Variants in ELL observed in about 807,000 individuals in gnomAD.
ELL encodes elongation factor for RNA polymerase II.
ELL carries 18 observed loss-of-function variants against 64.0 expected under a neutral mutation model. The ratio of observed to expected loss-of-function variants is 0.28; its 90% CI spans 0.19 to 0.42. The LOEUF is 0.42. Among genes scored for constraint, ELL ranks in the 10% least tolerant of loss-of-function variants. The probability of loss-of-function intolerance (pLI) is 1.00; values close to 1 mark genes in which losing one functional copy is unlikely to be tolerated. For synonymous variants in ELL, 399 were observed against 376.2 expected, an observed-to-expected ratio of 1.06 and a Z score of -0.70; for missense variants, 797 against 870.4, an observed-to-expected ratio of 0.92 and a Z score of 1.06.
At position 18,450,500 on chromosome 19, in the gene ELL, G is replaced by A. The variant is rs781626957; in HGVS notation, c.1442C>T (p.Pro481Leu). Residue 481 changes from proline (P) to leucine (L), a missense_variant, in exon 8 of 12, where the codon CCC becomes CTC. Coordinates refer to ENST00000262809, the MANE Select transcript of ELL (RefSeq NM_006532.4). ...PDCAPATHAT[P>L]GAPADTPGLN... is the part of the protein sequence containing the mutation. ...ACCTGGGGTGTCTGCTGGGGCTCCG[G>A]GGGTGGCATGGGTGGCAGGTGCACA... 4 of 1,612,990 alleles carry A rather than the reference G, an allele frequency of 2.5e-6. No individual in the cohort carries two copies. Among genetic ancestry groups the A allele is most frequent in the East Asian group, 2.2e-5 (1 of 44,890 alleles).
chr19:18,496,736 C>T (rs1274619602), intron 1 of ELL, among the ~76,000 whole-genome samples: 1 of 152,164 alleles, frequency 6.6e-6, no homozygotes, highest in South Asian at 2.1e-4. Flanking sequence ...CAAGGCCAGG[C>T]GGGTAGCACA....
At position 18,456,800 on chromosome 19, in the gene ELL, C is replaced by A. The variant is rs1974687461; in HGVS notation, c.869+1405G>T. 2.0e-5 allele frequency among the ~76,000 whole-genome samples: 3 copies of A among 152,126 alleles called. No homozygotes were observed. The South Asian group carries it at 6.2e-4, about 32-fold the overall frequency. ...GGAGGCTCCTGCAGTGACTTGGGCC[C>A]CCACATCCCATCTGTCTCACGGCCT... On this transcript the variant is annotated intron_variant, in intron 6 of 11. Coordinates refer to ENST00000262809, the MANE Select transcript of ELL (RefSeq NM_006532.4).
In ELL at chr19:18,508,442, G is replaced by A. The variant is rs374855038; in HGVS notation, c.135+13479C>T. 1.1e-3 allele frequency among the ~76,000 whole-genome samples: 167 copies of A among 152,358 alleles called. 2 individuals carry two copies. The South Asian group carries it at 0.014, about 13-fold the overall frequency. ...ATCTGCACTAACTGTGTGATCTCAA[G>A]TTAGCCATTATCTTCTAGATGTCCC... On this transcript the variant is annotated intron_variant, in intron 1 of 11. Coordinates refer to ENST00000262809, the MANE Select transcript of ELL (RefSeq NM_006532.4).
intron 1 of ELL, among the ~76,000 whole-genome samples, chr19:18,507,755 T>C (rs62123870): frequency 0.058 from 8,785 of 152,276 alleles, 350 homozygotes; most frequent in Middle Eastern, 0.15. Flanking sequence ...TTGCACTGTG[T>C]AGGTTGTGCC....
intron 1 of ELL, among the ~76,000 whole-genome samples, chr19:18,499,051 C>T (rs1427553087): frequency 6.6e-6 from 1 of 152,208 alleles, no homozygotes; most frequent in Non-Finnish European, 1.5e-5. Context: ...CACTCATTCT[C>T]AAGCCCAGGA....
intron 1 of ELL, among the ~76,000 whole-genome samples, chr19:18,507,962 C>T (rs1024751105): frequency 7.2e-5 from 11 of 152,192 alleles, no homozygotes; most frequent in Non-Finnish European, 1.5e-4. Flanking sequence ...ACAAGGGACA[C>T]ACAAGCCAGC....
chr19:18,512,154 C>CA (rs35682497), intron 1 of ELL, among the ~76,000 whole-genome samples: 41,308 of 134,252 alleles, frequency 0.31, 7,065 homozygotes, highest in African/African-American at 0.51. Flanking sequence ...GACTCCGTCT[C>CA]AAAAAAAAAA....
intron 1 of ELL, among the ~76,000 whole-genome samples, chr19:18,504,084 G>A (rs1975835926): frequency 6.6e-6 from 1 of 152,246 alleles, no homozygotes; most frequent in African/African-American, 2.4e-5. Flanking sequence ...GAGGATCTGC[G>A]GGCTGTCACG....
At chr19:18,465,196 C>G (rs1200793579) in intron 4 of ELL, among the ~76,000 whole-genome samples, 1 of 152,242 alleles carries the variant, frequency 6.6e-6, no homozygotes, top group Non-Finnish European at 1.5e-5. Flanking sequence ...TAACCCAACC[C>G]CCTATCCCTC....
In ELL at chr19:18,450,537, G is replaced by C; in HGVS notation, c.1405C>G (p.Gln469Glu). The C allele has an allele frequency of 6.2e-7, 1 of 1,613,260 alleles. No homozygotes were observed. The highest frequency in any genetic ancestry group is 8.5e-7 in the Non-Finnish European group (1 of 1,179,938). Reference sequence around the variant, plus strand: ...GTGGCAGGTGCACAGTCTGGAAGCTGGGCCCGGGGCTTGTCCTCAGCCGCC... The same window carrying C: ...GTGGCAGGTGCACAGTCTGGAAGCTCGGCCCGGGGCTTGTCCTCAGCCGCC... ...ERAAEDKPRA[Q>E]LPDCAPATHA... Residue 469 changes from glutamine (Q) to glutamate (E), a missense_variant, in exon 8 of 12, where the codon CAG becomes GAG. Transcript: ENST00000262809.
At chr19:18,520,382 C>T (rs921950033) in intron 1 of ELL, among the ~76,000 whole-genome samples, 3 of 152,134 alleles carry the variant, frequency 2.0e-5, no homozygotes, top group African/African-American at 4.8e-5. Context: ...TGGTCATGGG[C>T]CAGCAGCTGC....
At position 18,509,916 on chromosome 19, in the gene ELL, A is replaced by T. The variant is rs371035721; in HGVS notation, c.135+12005T>A. On this transcript the variant is annotated intron_variant, in intron 1 of 11. Transcript: ENST00000262809. ...TTTTCCACAAAAGCTTAATCCAAAA[A>T]GGGCTAAAAATAGAGATTCTGCACC... is the stretch of plus-strand genomic sequence containing the variant. Among the ~76,000 whole-genome samples, 26 of 152,304 alleles carry T rather than the reference A, an allele frequency of 1.7e-4. No individual in the cohort carries two copies. The East Asian group carries it at 3.9e-3, about 23-fold the overall frequency.
At chr19:18,493,772 G>A (rs1194758833) in intron 1 of ELL, among the ~76,000 whole-genome samples, 1 of 152,232 alleles carries the variant, frequency 6.6e-6, no homozygotes, top group African/African-American at 2.4e-5. Flanking sequence ...AGGCCCACCA[G>A]CAACCCCATC....
At chr19:18,456,402 G>A (rs748609119) in intron 6 of ELL, among the ~76,000 whole-genome samples, 2 of 152,132 alleles carry the variant, frequency 1.3e-5, no homozygotes, top group African/African-American at 2.4e-5. Context: ...ATCAACCGCC[G>A]GCTCAGCAGG....
intron 1 of ELL, among the ~76,000 whole-genome samples, chr19:18,507,038 CCAGGGCAGCCTGGAGATGAGCTGGACA>C (rs938057230): frequency 6.6e-6 from 1 of 152,170 alleles, no homozygotes; most frequent in African/African-American, 2.4e-5. Flanking sequence ...GGTAAGAGAG[CCAGGGCAGCCTGGAGATGAGCTGGACA>C]CAGGCTGCCA....
rs1449288891 is a variant in ELL at position 18,442,862 on chromosome 19, TACA to T, written c.*1887_*1889del. On this transcript the variant is annotated 3_prime_UTR_variant, in exon 12 of 12. Transcript: ENST00000262809. ...GGCTCAAAATAGTTTTTCTCCACAG[TACA>T]ACATTAAAAGAAAAAAAAATAGTAT... 1.0e-5 allele frequency: 2 copies of T among 198,670 alleles called. No individual in the cohort carries two copies. Among genetic ancestry groups the T allele is most frequent in the East Asian group, 6.6e-5 (1 of 15,230 alleles). The allele number at this position is 198,670 out of a possible 1,614,324, so 12.3% of individuals were successfully genotyped here.
Position 18,461,838 on chromosome 19 carries a change from A to G in ELL, c.484T>C (p.Phe162Leu). 6.2e-7 allele frequency: 1 copy of G among 1,612,690 alleles called. No individual in the cohort carries two copies. ...GTTGCACCTGGGGCTGGTTTCCGAA[A>G]CTGAACCTTCTTGCCTGCAACAAGA... The part of the protein sequence containing the change: ...GGRYLGKKVQ[F>L]RKPAPGATDA... Residue 162 changes from phenylalanine (F) to leucine (L), a missense_variant, in exon 5 of 12, where the codon TTT (phenylalanine) becomes CTT (leucine). Coordinates refer to ENST00000262809, the MANE Select transcript of ELL (RefSeq NM_006532.4).
At chr19:18,470,386 GGCA>G (rs1363185071) in intron 2 of ELL, among the ~76,000 whole-genome samples, 1 of 152,260 alleles carries the variant, frequency 6.6e-6, no homozygotes, top group Non-Finnish European at 1.5e-5. Context: ...TGGGTGGTCA[GGCA>G]GCAGCAGAAG....
chr19:18,503,749 C>T (rs1390410233), intron 1 of ELL, among the ~76,000 whole-genome samples: 3 of 152,184 alleles, frequency 2.0e-5, no homozygotes, highest in Non-Finnish European at 2.9e-5. Context: ...CCGCCTAGGG[C>T]TCAGAAACAC....
Sources: gnomAD v4.1 joint callset for allele counts (sites outside exome capture counted in the v4.1 genomes callset) on GRCh38, gnomAD v4.1.1 for gene constraint, MANE v1.5 for transcripts, NCBI Gene and HGNC (gene_info 2026-07-23, HGNC 2026-07-21) for gene names.